Variants in ADCY2 observed in about 807,000 individuals in gnomAD.
ADCY2 encodes adenylate cyclase type 2.
Under a neutral mutation model 125.2 loss-of-function variants are expected in ADCY2, and 31 were observed. The ratio of observed to expected loss-of-function variants is 0.25; its 90% CI spans 0.19 to 0.33. The LOEUF (loss-of-function observed/expected upper bound fraction) is 0.33. ADCY2 is among the 10% of genes least tolerant of loss of function. The probability of loss-of-function intolerance (pLI) is 1.00; values close to 1 mark genes in which losing one functional copy is unlikely to be tolerated. For synonymous variants in ADCY2, 512 were observed against 548.4 expected (o/e 0.93, Z 0.93); for missense variants, 904 against 1,418.2 (o/e 0.64, Z 5.82).
At chr5:7,807,253 C>T (rs116309317) in intron 22 of ADCY2, among the ~76,000 whole-genome samples, 4,802 of 152,258 alleles carry the variant, frequency 0.032, 223 homozygotes, top group African/African-American at 0.1. Context: ...GAAAAGTCTC[C>T]AGGTCTTTTC....
intron 2 of ADCY2, among the ~76,000 whole-genome samples, chr5:7,498,812 T>C (rs987230541): frequency 6.8e-4 from 104 of 152,214 alleles, no homozygotes; most frequent in Admixed American, 6.7e-3. Context: ...AAGTGTGCTA[T>C]ATTTACACAA....
At chr5:7,679,929 C>CA (rs1740274103) in intron 4 of ADCY2, among the ~76,000 whole-genome samples, 2 of 152,046 alleles carry the variant, frequency 1.3e-5, no homozygotes, top group Non-Finnish European at 1.5e-5. Flanking sequence ...TCGGTATAGC[C>CA]AATGGCATGT....
chr5:7,783,442 TCTCTTGCTTTAAAGCCCAC>T (rs1213038764), intron 18 of ADCY2, among the ~76,000 whole-genome samples: 2 of 151,872 alleles, frequency 1.3e-5, no homozygotes, highest in African/African-American at 4.8e-5. Context: ...AAACCCAGGC[TCTCTTGCTTTAAAGCCCAC>T]CTGGGCTTTT....
intron 3 of ADCY2, among the ~76,000 whole-genome samples, chr5:7,603,575 C>A (rs1451426205): frequency 2.6e-5 from 4 of 152,100 alleles, no homozygotes; most frequent in African/African-American, 9.7e-5. Flanking sequence ...CGGAGAGTGC[C>A]CATGCAGCCA....
At chr5:7,579,439 A>G (rs1579593925) in intron 3 of ADCY2, among the ~76,000 whole-genome samples, 2 of 152,264 alleles carry the variant, frequency 1.3e-5, no homozygotes, top group South Asian at 4.1e-4. Flanking sequence ...AGAGACAGAG[A>G]GAGAGAGAGA....
intron 3 of ADCY2, among the ~76,000 whole-genome samples, chr5:7,568,294 C>G (rs1049832089): frequency 6.6e-6 from 1 of 152,144 alleles, no homozygotes; most frequent in African/African-American, 2.4e-5. Flanking sequence ...CTTTGGCACT[C>G]CAGCCTTTCA....
chr5:7,554,777 A>G (rs551865751), intron 3 of ADCY2, among the ~76,000 whole-genome samples: 3 of 152,334 alleles, frequency 2.0e-5, no homozygotes, highest in East Asian at 3.9e-4. Flanking sequence ...GATAGATTTC[A>G]TAGGATCTAG....
At chr5:7,734,876 T>C (rs1742200584) in intron 14 of ADCY2, among the ~76,000 whole-genome samples, 1 of 152,156 alleles carries the variant, frequency 6.6e-6, no homozygotes, top group African/African-American at 2.4e-5. Flanking sequence ...ATGGGTGGGA[T>C]TGGGTGAGGG....
At chr5:7,498,239 GT>G (rs910360437) in intron 2 of ADCY2, among the ~76,000 whole-genome samples, 8,289 of 61,972 alleles carry the variant, frequency 0.13, 228 homozygotes, top group Non-Finnish European at 0.17. Context: ...TTCTTTTTTC[GT>G]TTTTTTTTTT....
intron 2 of ADCY2, among the ~76,000 whole-genome samples, chr5:7,508,834 C>A (rs1743946702): frequency 6.6e-6 from 1 of 152,122 alleles, no homozygotes; most frequent in African/African-American, 2.4e-5. Flanking sequence ...CAAGAAAACC[C>A]CCTCCAAAAG....
intron 16 of ADCY2, among the ~76,000 whole-genome samples, chr5:7,759,041 AG>A (rs1396314038): frequency 6.6e-6 from 1 of 152,172 alleles, no homozygotes; most frequent in Non-Finnish European, 1.5e-5. Context: ...CACTAGCAGC[AG>A]GGGTGGGATG....
chr5:7,620,108 G>A (rs994273423), intron 3 of ADCY2, among the ~76,000 whole-genome samples: 1 of 152,138 alleles, frequency 6.6e-6, no homozygotes, highest in Non-Finnish European at 1.5e-5. Flanking sequence ...CTAGTTATTA[G>A]CCAGACATGA....
intron 3 of ADCY2, among the ~76,000 whole-genome samples, chr5:7,618,960 G>T (rs1227758347): frequency 6.6e-6 from 1 of 152,108 alleles, no homozygotes; most frequent in Non-Finnish European, 1.5e-5. Flanking sequence ...TCATTACTTT[G>T]GGAGACAGGG....
chr5:7,596,751 A>G (rs1197626512), intron 3 of ADCY2, among the ~76,000 whole-genome samples: 3 of 152,206 alleles, frequency 2.0e-5, no homozygotes, highest in African/African-American at 2.4e-5. Context: ...TGTTGCTACT[A>G]TTGTTATTGT....
intron 2 of ADCY2, among the ~76,000 whole-genome samples, chr5:7,430,384 C>T (rs1740544577): frequency 6.6e-6 from 1 of 151,814 alleles, no homozygotes; most frequent in Admixed American, 6.6e-5. Context: ...AAAGCAAAGA[C>T]ATTCCAAAGA....
intron 3 of ADCY2, among the ~76,000 whole-genome samples, chr5:7,552,323 G>T (rs1735369556): frequency 6.6e-6 from 1 of 152,168 alleles, no homozygotes; most frequent in African/African-American, 2.4e-5. Flanking sequence ...ATGAGGGCCT[G>T]GGATTCTGAG....
intron 16 of ADCY2, among the ~76,000 whole-genome samples, chr5:7,758,666 C>A (rs1325289775): frequency 6.6e-6 from 1 of 152,084 alleles, no homozygotes; most frequent in East Asian, 1.9e-4. Context: ...AGCTGGGTAA[C>A]CTCATCATCA....
chr5:7,663,302 G>T (rs1263199787), intron 4 of ADCY2, among the ~76,000 whole-genome samples: 27 of 152,214 alleles, frequency 1.8e-4, no homozygotes. Flanking sequence ...AAGCATAAAT[G>T]GCCCAGTGAA....
chr5:7,706,488 T>C (rs1741270290), intron 7 of ADCY2, among the ~76,000 whole-genome samples: 1 of 152,184 alleles, frequency 6.6e-6, no homozygotes, highest in Non-Finnish European at 1.5e-5. Context: ...GAAGTAAAAG[T>C]TATAGCCAAA....
Sources: allele counts gnomAD v4.1 joint callset (sites outside exome capture counted in the v4.1 genomes callset), GRCh38; gene constraint gnomAD v4.1.1; transcripts MANE v1.5; gene names NCBI Gene and HGNC (gene_info 2026-07-23, HGNC 2026-07-21).